The following MAP4K4 variants were observed in gnomAD, a reference collection of about 807,000 sequenced individuals.
The protein encoded by MAP4K4 is mitogen-activated protein kinase kinase kinase kinase 4, also known as HPK/GCK-like kinase HGK.
A neutral mutation model predicts 189.6 loss-of-function variants in MAP4K4; 38 were observed. The observed-to-expected ratio is 0.20, with a 90% confidence interval of 0.15 to 0.26. The LOEUF is 0.26. Ranked by LOEUF, MAP4K4 falls within the 10% of genes least tolerant of loss-of-function variation. The pLI is 1.00. For synonymous variants in MAP4K4, 610 were observed against 624.3 expected, an observed-to-expected ratio of 0.98 and a Z score of 0.34; for missense variants, 1,054 against 1,726.9, an observed-to-expected ratio of 0.61 and a Z score of 6.91.
chr2:101,717,130 T>A, intron 2 of MAP4K4, among the ~76,000 whole-genome samples: 1 of 152,184 alleles, frequency 6.6e-6, no homozygotes, highest in Non-Finnish European at 1.5e-5. Flanking sequence ...GAATTTAGCC[T>A]GGGCTTTTGG....
At chr2:101,770,373 C>T (rs7597376) in intron 2 of MAP4K4, among the ~76,000 whole-genome samples, 20,260 of 151,502 alleles carry the variant, frequency 0.13, 1,712 homozygotes, top group South Asian at 0.28. Context: ...CTCAGCCTCC[C>T]GAGTAGGTGG....
At chr2:101,797,526 C>A (rs1423991669) in intron 3 of MAP4K4, 7 of 614,170 alleles carry the variant, frequency 1.1e-5, no homozygotes, top group Non-Finnish European at 1.4e-5. Context: ...GCTAAATTTC[C>A]TCGTCTTGTA....
chr2:101,747,965 A>G (rs2066503044), intron 2 of MAP4K4, among the ~76,000 whole-genome samples: 1 of 152,344 alleles, frequency 6.6e-6, no homozygotes, highest in South Asian at 2.1e-4. Flanking sequence ...GTCACCATCA[A>G]AAGTGAAGGG....
chr2:101,748,034 G>A (rs78234028), intron 2 of MAP4K4, among the ~76,000 whole-genome samples: 2 of 152,284 alleles, frequency 1.3e-5, no homozygotes, highest in African/African-American at 2.4e-5. Context: ...ACATTGATGT[G>A]CTATATCAGT....
chr2:101,786,595 G>A (rs1374527611), intron 2 of MAP4K4, among the ~76,000 whole-genome samples: 1 of 152,148 alleles, frequency 6.6e-6, no homozygotes, highest in Non-Finnish European at 1.5e-5. Context: ...AGCATAGAGG[G>A]GAAGTAACTT....
At chr2:101,861,346 G>C (rs1047648312) in intron 16 of MAP4K4, 6 of 176,114 alleles carry the variant, frequency 3.4e-5, no homozygotes, top group Non-Finnish European at 7.2e-5. Flanking sequence ...AATTTTCTTT[G>C]AAGTATTTTA....
chr2:101,871,523 T>A, exon 24 of MAP4K4: 2 of 1,535,950 alleles, frequency 1.3e-6, no homozygotes, highest in Non-Finnish European at 1.7e-6. Flanking sequence ...GTGCCAGCCA[T>A]CATGAGAGCA....
chr2:101,821,418 C>T (rs186764624), intron 3 of MAP4K4, among the ~76,000 whole-genome samples: 10 of 152,186 alleles, frequency 6.6e-5, no homozygotes, highest in Admixed American at 6.5e-4. Context: ...TCTGGTATGG[C>T]CTAGTGCTCC....
intron 6 of MAP4K4, chr2:101,829,852 T>G (rs2096539104): frequency 2.9e-6 from 1 of 342,432 alleles, no homozygotes; most frequent in Non-Finnish European, 5.5e-6. Flanking sequence ...ACTTTCCTGC[T>G]TAAAGAACCT....
At chr2:101,821,389 A>G (rs1298621570) in intron 3 of MAP4K4, among the ~76,000 whole-genome samples, 1 of 152,178 alleles carries the variant, frequency 6.6e-6, no homozygotes, top group African/African-American at 2.4e-5. Flanking sequence ...ATGTAAACCT[A>G]GATGGTACAC....
intron 15 of MAP4K4, 94 bp downstream of exon 15, chr2:101,859,958 G>A: frequency 8.1e-7 from 1 of 1,227,826 alleles, no homozygotes; most frequent in Non-Finnish European, 1.2e-6. Context: ...ACGGGCCATA[G>A]AGTTTAGCTA....
intron 2 of MAP4K4, among the ~76,000 whole-genome samples, chr2:101,716,332 A>T (rs1185115600): frequency 6.6e-6 from 1 of 152,012 alleles, no homozygotes; most frequent in Admixed American, 6.6e-5. Flanking sequence ...AGTCCCAGCT[A>T]CTTGGGAGGC....
rs897894866 is a variant in MAP4K4, at chr2:101,792,618, CCTCCTCCTCCTT to C, written c.180+1845_180+1856del. Among the ~76,000 whole-genome samples, 12 of 150,670 alleles carry C rather than the reference CCTCCTCCTCCTT, an allele frequency of 8.0e-5. 1 individual carries two copies. The highest frequency in any genetic ancestry group is 3.9e-4 in the East Asian group (2 of 5,150). On this transcript the variant is annotated intron_variant, in intron 3 of 32. Coordinates refer to ENST00000324219, the Ensembl canonical transcript of MAP4K4. ...TCCTTCTCCTCCTCCTCCTCCTCCT[CCTCCTCCTCCTT>C]CTTCTTTCTTCTTCTTATTTTTTGA...
At chr2:101,698,786 C>T (rs1474649390) in intron 2 of MAP4K4, among the ~76,000 whole-genome samples, 1 of 152,204 alleles carries the variant, frequency 6.6e-6, no homozygotes, top group Admixed American at 6.5e-5. Flanking sequence ...ATGCACTTTA[C>T]TTCGATAAAA....
At chr2:101,826,784 CT>C (rs1287672171) in intron 5 of MAP4K4, among the ~76,000 whole-genome samples, 3 of 152,148 alleles carry the variant, frequency 2.0e-5, no homozygotes, top group Non-Finnish European at 4.4e-5. Context: ...TTTGAAATTA[CT>C]TTTGTTAGGA....
At chr2:101,714,729 G>A (rs1185560709) in intron 2 of MAP4K4, among the ~76,000 whole-genome samples, 1 of 152,192 alleles carries the variant, frequency 6.6e-6, no homozygotes, top group Non-Finnish European at 1.5e-5. Context: ...ATACGTAAAT[G>A]TTGGGGCTAG....
chr2:101,820,444 TTTTG>T (rs1488171929), intron 3 of MAP4K4, among the ~76,000 whole-genome samples: 1 of 152,158 alleles, frequency 6.6e-6, no homozygotes, highest in Non-Finnish European at 1.5e-5. Context: ...TTCATTGTTG[TTTTG>T]TTTTTGTGTA....
chr2:101,704,780 G>C (rs557074093), intron 2 of MAP4K4, among the ~76,000 whole-genome samples: 2 of 151,340 alleles, frequency 1.3e-5, no homozygotes, highest in South Asian at 4.2e-4. Flanking sequence ...GGCTGGTCTC[G>C]AACTCGAGTC....
intron 2 of MAP4K4, among the ~76,000 whole-genome samples, chr2:101,725,872 G>C (rs1327989679): frequency 6.6e-6 from 1 of 152,144 alleles, no homozygotes; most frequent in Non-Finnish European, 1.5e-5. Context: ...TGATGTGGTG[G>C]GTTCCGTCTC....
Sources: allele counts gnomAD v4.1 joint callset (sites outside exome capture counted in the v4.1 genomes callset), GRCh38; gene constraint gnomAD v4.1.1; transcripts MANE v1.5; gene names NCBI Gene and HGNC (gene_info 2026-07-23, HGNC 2026-07-21).